Variants in RASSF3 observed in about 807,000 individuals in gnomAD.
RASSF3 encodes ras association domain-containing protein 3.
In RASSF3, 19 loss-of-function variants were observed where a neutral mutation model predicts 19.9. The ratio of observed to expected loss-of-function variants is 0.96; its 90% CI spans 0.67 to 1.40. RASSF3 has a LOEUF of 1.40. Among genes scored for constraint, RASSF3 ranks in the 40% most tolerant of loss-of-function variants. The probability of loss-of-function intolerance (pLI) is 0.00; values close to 1 mark genes in which losing one functional copy is unlikely to be tolerated. For synonymous variants in RASSF3, 110 were observed against 104.2 expected (o/e 1.06, Z -0.34); for missense variants, 306 against 289.8 (o/e 1.06, Z -0.41).
chr12:64,636,121 T>G (rs1592435076), intron 1 of RASSF3, among the ~76,000 whole-genome samples: 3 of 75,130 alleles, frequency 4.0e-5, no homozygotes, highest in African/African-American at 3.6e-5. Context: ...TAACTTACGG[T>G]TTTTTTTTTT....
At chr12:64,651,310 C>T (rs575266931) in intron 1 of RASSF3, among the ~76,000 whole-genome samples, 9 of 152,214 alleles carry the variant, frequency 5.9e-5, no homozygotes, top group East Asian at 1.9e-4. Flanking sequence ...CCTGGAGATG[C>T]GTATGTTAAC....
rs374184989 is a variant in RASSF3, at chr12:64,603,887, C to T, written c.294+62182C>T. ...TTTTTGAGATGGAGTCTTGCTCTGT[C>T]GCCAGGCTGGAGTGCAGTGGCACGA... On this transcript the variant is annotated intron_variant, in intron 2 of 5. Transcript: ENST00000637125. Among the ~76,000 whole-genome samples the T allele has an allele frequency of 3.9e-5, 6 of 151,926 alleles. No homozygotes were observed. The South Asian group carries it at 6.2e-4, about 16-fold the overall frequency.
intron 1 of RASSF3, among the ~76,000 whole-genome samples, chr12:64,515,163 T>C (rs936271346): frequency 1.3e-5 from 2 of 152,128 alleles, no homozygotes; most frequent in Non-Finnish European, 2.9e-5. Flanking sequence ...TTCAAGCGAT[T>C]CTCCTGCCTC....
intron 1 of RASSF3, among the ~76,000 whole-genome samples, chr12:64,620,335 A>G (rs1870709273): frequency 6.6e-6 from 1 of 152,114 alleles, no homozygotes; most frequent in East Asian, 1.9e-4. Flanking sequence ...TTGTTTATCC[A>G]TTGATTCTTC....
chr12:64,559,968 T>C (rs1012099577), intron 2 of RASSF3, among the ~76,000 whole-genome samples: 1 of 152,224 alleles, frequency 6.6e-6, no homozygotes, highest in African/African-American at 2.4e-5. Context: ...GTAGAGGAAT[T>C]GGGGGCAGCT....
At chr12:64,563,580 C>A (rs772648490) in intron 2 of RASSF3, among the ~76,000 whole-genome samples, 3 of 152,208 alleles carry the variant, frequency 2.0e-5, no homozygotes, top group Non-Finnish European at 4.4e-5. Context: ...AAGATCTAGC[C>A]CCTGCCTACC....
chr12:64,605,612 G>A (rs555160104), upstream of RASSF3, among the ~76,000 whole-genome samples: 18 of 152,026 alleles, frequency 1.2e-4, no homozygotes, highest in East Asian at 3.9e-4. Flanking sequence ...TATCTAGGCC[G>A]GGCGTGGTGG....
intron 1 of RASSF3, among the ~76,000 whole-genome samples, chr12:64,541,408 G>A (rs1055104086): frequency 2.0e-4 from 30 of 152,212 alleles, no homozygotes; most frequent in Non-Finnish European, 7.3e-5. Flanking sequence ...AGATAGTCTA[G>A]GTTAAATGGC....
chr12:64,649,351 C>A (rs1293302501), intron 1 of RASSF3, among the ~76,000 whole-genome samples: 2 of 152,046 alleles, frequency 1.3e-5, no homozygotes, highest in Non-Finnish European at 2.9e-5. Context: ...CGCCACCACA[C>A]CCGGCTAATT....
intron 2 of RASSF3, among the ~76,000 whole-genome samples, chr12:64,551,433 G>A (rs766939465): frequency 1.3e-5 from 2 of 151,988 alleles, no homozygotes; most frequent in Non-Finnish European, 2.9e-5. Flanking sequence ...AAAATTAGCC[G>A]GGCATGGTGG....
At chr12:64,608,931 G>A (rs74340985), upstream of RASSF3, among the ~76,000 whole-genome samples, 3,422 of 152,272 alleles carry the variant, frequency 0.022, 125 homozygotes, top group African/African-American at 0.079. Context: ...GTGTGGCCGA[G>A]AAGAAGACTT....
intron 1 of RASSF3, among the ~76,000 whole-genome samples, chr12:64,670,546 T>C (rs74100751): frequency 0.014 from 643 of 47,292 alleles, 4 homozygotes; most frequent in African/African-American, 0.04. Flanking sequence ...CTCTCTCTCT[T>C]TTTTTTTTTT....
intron 2 of RASSF3, among the ~76,000 whole-genome samples, chr12:64,590,888 G>T (rs1869909316): frequency 6.6e-6 from 1 of 152,182 alleles, no homozygotes; most frequent in Non-Finnish European, 1.5e-5. Context: ...AGAAAGTGCT[G>T]TGAGCATTTA....
intron 2 of RASSF3, 56 bp from the exon 3 acceptor site, chr12:64,688,153 ATGCTTCT>A: frequency 8.7e-7 from 1 of 1,145,396 alleles, no homozygotes. Flanking sequence ...TTGTTTTGAT[ATGCTTCT>A]TCCCTAAAGT....
At chr12:64,561,321 G>A (rs1174102481) in intron 2 of RASSF3, among the ~76,000 whole-genome samples, 1 of 152,192 alleles carries the variant, frequency 6.6e-6, no homozygotes, top group East Asian at 1.9e-4. Flanking sequence ...AATGATGAAA[G>A]AAGAGAAACT....
intron 1 of RASSF3, among the ~76,000 whole-genome samples, chr12:64,621,391 G>T (rs1480444213): frequency 6.6e-6 from 1 of 152,150 alleles, no homozygotes; most frequent in Non-Finnish European, 1.5e-5. Context: ...TTTTTAGCTT[G>T]GTAGATGGTT....
At chr12:64,691,155 C>T (rs1868273544) in intron 3 of RASSF3, among the ~76,000 whole-genome samples, 1 of 152,218 alleles carries the variant, frequency 6.6e-6, no homozygotes, top group African/African-American at 2.4e-5. Flanking sequence ...AGCCACCATG[C>T]CTGGCTCTTA....
intron 2 of RASSF3, among the ~76,000 whole-genome samples, chr12:64,685,863 G>A (rs929990268): frequency 6.6e-6 from 1 of 152,166 alleles, no homozygotes; most frequent in Non-Finnish European, 1.5e-5. Context: ...TGGGTGGCCC[G>A]CCTTCTTCAT....
intron 1 of RASSF3, among the ~76,000 whole-genome samples, chr12:64,665,145 T>A (rs1228103328): frequency 1.3e-5 from 2 of 152,202 alleles, no homozygotes; most frequent in African/African-American, 4.8e-5. Flanking sequence ...AGTGGAAGGT[T>A]CTAGGAGTTG....
Sources: allele counts gnomAD v4.1 joint callset (sites outside exome capture counted in the v4.1 genomes callset), GRCh38; gene constraint gnomAD v4.1.1; transcripts MANE v1.5; gene names NCBI Gene and HGNC (gene_info 2026-07-23, HGNC 2026-07-21).